COL18A1: variants seen among roughly 807,000 people sequenced by gnomAD.
The protein encoded by COL18A1 is collagen alpha-1(XVIII) chain.
Under a neutral mutation model 168.0 loss-of-function variants are expected in COL18A1, and 133 were observed. The ratio of observed to expected loss-of-function variants is 0.79; its 90% CI spans 0.69 to 0.91. COL18A1 has a LOEUF of 0.91. COL18A1 is among the 40% of genes least tolerant of loss of function. The pLI is 0.00. For missense variants in COL18A1, 2,126 were observed against 1,925.4 expected (o/e 1.10, Z -1.95); for synonymous variants, 949 against 809.0 (o/e 1.17, Z -2.94).
chr21:45,430,100 C>T (rs1370392814), intron 2 of COL18A1, among the ~76,000 whole-genome samples: 19 of 151,396 alleles, frequency 1.3e-4, no homozygotes, highest in African/African-American at 2.7e-4. Flanking sequence ...ATCTCCCTAG[C>T]GCCCTCTCGT....
intron 2 of COL18A1, among the ~76,000 whole-genome samples, chr21:45,428,925 A>C (rs1373727165): frequency 6.9e-6 from 1 of 144,494 alleles, no homozygotes; most frequent in African/African-American, 2.6e-5. Flanking sequence ...TTAATTTGAG[A>C]CGGAGTCTTG....
At position 45,457,029 on chromosome 21, in the gene COL18A1, G is replaced by A; in HGVS notation, c.107-11213G>A. ...TGGCCCTCGGGAGGTGGGAGAGCTG[G>A]GAGTGAGGCCTCCTGTGTGGGGAGG... On this transcript the variant is annotated intron_variant, in intron 2 of 41. Transcript: ENST00000651438. This position sits in a 1 kb window ranked among gnomAD's most constrained non-coding sequence, Gnocchi z 4.6. 1.6e-6 allele frequency: 1 copy of A among 642,560 alleles called. No individual in the cohort carries two copies. Among genetic ancestry groups the A allele is most frequent in the Non-Finnish European group, 2.4e-6 (1 of 415,742 alleles). The allele number at this position is 642,560 out of a possible 1,614,324, so 39.8% of individuals were successfully genotyped here.
Position 45,482,835 on chromosome 21 carries a change from C to T in COL18A1, c.1701+14C>T, listed in dbSNP as rs2145945927. ...CCAGGACATAAGGTACAAGCAGAAT[C>T]CCTGGCACATCAGTCCCCTGCCCCT... On this transcript the variant is annotated intron_variant, in intron 15 of 41. Transcript: ENST00000651438. 2 of 1,614,192 alleles carry T rather than the reference C, an allele frequency of 1.2e-6. No individual in the cohort carries two copies. The highest frequency in any genetic ancestry group is 8.5e-7 in the Non-Finnish European group (1 of 1,180,026).
At chr21:45,508,118 AGTGGACG>A (rs2037336653) in intron 38 of COL18A1, among the ~76,000 whole-genome samples, 1 of 94,144 alleles carries the variant, frequency 1.1e-5, no homozygotes, top group African/African-American at 4.1e-5. Flanking sequence ...CAGGCGGGTG[AGTGGACG>A]GGTGGGTGGG....
At position 45,423,492 on chromosome 21, in the gene COL18A1, C is replaced by A. The variant is rs1046636847; in HGVS notation, c.106+18019C>A. On this transcript the variant is annotated intron_variant, in intron 2 of 41. Coordinates refer to ENST00000651438, the MANE Select transcript of COL18A1 (RefSeq NM_001379500.1). This position sits in a 1 kb window ranked among gnomAD's most constrained non-coding sequence, Gnocchi z 4.0. ...CCACACACAGCTGGGCGCCCGCCCC[C>A]CGCCCCCCGCCCCCCGGAGGGCCCG... Among the ~76,000 whole-genome samples, 1 of 150,984 alleles carries A rather than the reference C, an allele frequency of 6.6e-6. No homozygotes were observed.
At chr21:45,437,306 A>ACT (rs1220860703) in intron 2 of COL18A1, among the ~76,000 whole-genome samples, 4 of 114,498 alleles carry the variant, frequency 3.5e-5, no homozygotes, top group East Asian at 3.1e-4. Context: ...ACACACTCAC[A>ACT]CAGGCACTCT....
At chr21:45,500,004 C>T (rs7279445) in intron 32 of COL18A1, among the ~76,000 whole-genome samples, 85,155 of 151,878 alleles carry the variant, frequency 0.56, 24,727 homozygotes, top group African/African-American at 0.71. Context: ...AACCATGTGC[C>T]GCTTACAAGA....
At chr21:45,430,728 A>G (rs2033932137) in intron 2 of COL18A1, among the ~76,000 whole-genome samples, 2 of 152,080 alleles carry the variant, frequency 1.3e-5, no homozygotes. Flanking sequence ...AGGAGGCTGC[A>G]CTGCAAGGGA....
Position 45,478,121 on chromosome 21 carries a change from G to A in COL18A1, c.1221+156G>A, listed in dbSNP as rs973017080. 4.7e-5 allele frequency: 36 copies of A among 768,394 alleles called. 1 individual carries two copies. The highest frequency in any genetic ancestry group is 3.6e-4 in the African/African-American group (21 of 58,350). 47.6% of individuals were successfully genotyped at this position (768,394 alleles called of 1,614,324 possible). On this transcript the variant is annotated intron_variant, in intron 8 of 41. Transcript: ENST00000651438. ...CCACCGTTGCTCGGGGTTGGTGCTGGAAGGTGGTCAGACGTGGGAGGCGGA... is the reference window on the plus strand; with the variant it reads ...CCACCGTTGCTCGGGGTTGGTGCTGAAAGGTGGTCAGACGTGGGAGGCGGA...
intron 6 of COL18A1, 113 bp downstream of exon 6, chr21:45,476,593 G>A (rs1344380744): frequency 4.6e-6 from 6 of 1,316,544 alleles, no homozygotes; most frequent in Non-Finnish European, 6.4e-6. Context: ...GTAGTGTGTG[G>A]TGTATATGGT....
At chr21:45,485,027 A>G (rs1313779942) in intron 15 of COL18A1, among the ~76,000 whole-genome samples, 1 of 152,136 alleles carries the variant, frequency 6.6e-6, no homozygotes, top group Non-Finnish European at 1.5e-5. Context: ...TTTTGGAGAC[A>G]GAGTCTCCGC....
intron 14 of COL18A1, 104 bp downstream of exon 14, chr21:45,482,129 T>G (rs1190163605): frequency 5.8e-6 from 5 of 868,854 alleles, no homozygotes; most frequent in Non-Finnish European, 7.6e-6. Context: ...ATGCCAGGAA[T>G]AGCCCCCCAT....
intron 2 of COL18A1, among the ~76,000 whole-genome samples, chr21:45,437,460 A>G (rs2034173150): frequency 2.5e-5 from 1 of 39,918 alleles, no homozygotes; most frequent in Non-Finnish European, 4.7e-5. Flanking sequence ...TCACAGACAG[A>G]CACACAGGCA....
chr21:45,504,273 G>A (rs545858328), intron 33 of COL18A1, 143 bp from the exon 34 acceptor site: 57 of 920,320 alleles, frequency 6.2e-5, no homozygotes, highest in South Asian at 1.6e-4. Flanking sequence ...GTGGGGAGTC[G>A]AGCCCTATTC....
At chr21:45,441,059 C>T (rs1391846031) in intron 2 of COL18A1, among the ~76,000 whole-genome samples, 1 of 152,216 alleles carries the variant, frequency 6.6e-6, no homozygotes, top group Non-Finnish European at 1.5e-5. Context: ...GGACACCCGC[C>T]TTTCCGCTCC....
intron 4 of COL18A1, among the ~76,000 whole-genome samples, chr21:45,474,691 AT>A (rs1288527602): frequency 0.023 from 3 of 128 alleles, no homozygotes; most frequent in Admixed American, 0.1. Context: ...AGATCACAAC[AT>A]GCCCCACGTG....
rs751236712 is a variant in COL18A1, at chr21:45,468,760, G to A, written c.625G>A (p.Gly209Arg). Residue 209 changes from glycine (G) to arginine (R), a missense_variant, in exon 3 of 42, where the codon GGG (glycine) becomes AGG (arginine). Coordinates refer to ENST00000651438, the MANE Select transcript of COL18A1 (RefSeq NM_001379500.1). ...CGCCGGGCTCTTCGTGGCTCAGGCG[G>A]GGGGAGCGGACCCTGACAAGTTCCA... The part of the protein sequence containing the change: ...PGAGLFVAQA[G>R]GADPDKFQGV... The A allele has an allele frequency of 6.6e-5, 106 of 1,604,160 alleles. No homozygotes were observed. Among genetic ancestry groups the A allele is most frequent in the Non-Finnish European group, 8.5e-5 (100 of 1,179,380 alleles).
rs1365450066 is a variant in COL18A1, at chr21:45,505,379, CGGGCCCCCCTGGGCCCCCT to C, written c.3044_3062del (p.Pro1015LeufsTer10). The C allele has an allele frequency of 8.2e-6, 13 of 1,594,322 alleles. No individual in the cohort carries two copies. Among genetic ancestry groups the C allele is most frequent in the East Asian group, 2.2e-5 (1 of 44,744 alleles). On this transcript the variant is annotated frameshift_variant, in exon 36 of 42. Coordinates refer to ENST00000651438, the MANE Select transcript of COL18A1 (RefSeq NM_001379500.1). LOFTEE classifies it high-confidence loss of function. ...GCAGCTATCAGCGTTCCCGGCCCTC[CGGGCCCCCCTGGGCCCCCT>C]GGGCCCCCTGGAACCATGGGCGCCT...
chr21:45,438,176 ACT>A (rs1250756009), intron 2 of COL18A1, among the ~76,000 whole-genome samples: 4 of 121,546 alleles, frequency 3.3e-5, no homozygotes, highest in Admixed American at 7.9e-5. Flanking sequence ...GCATACACAC[ACT>A]CACACTCAGA....
Sources: allele counts gnomAD v4.1 joint callset (sites outside exome capture counted in the v4.1 genomes callset), GRCh38; gene constraint gnomAD v4.1.1; non-coding constraint Gnocchi (gnomAD v3.1); transcripts MANE v1.5; gene names NCBI Gene and HGNC (gene_info 2026-07-23, HGNC 2026-07-21).